TSPAN4: variants seen among roughly 807,000 people sequenced by gnomAD.
The protein encoded by TSPAN4 is tetraspanin 4.
TSPAN4 carries 38 observed loss-of-function variants against 31.5 expected under a neutral mutation model. The observed-to-expected ratio is 1.21, with a 90% CI of 0.93 to 1.58. The LOEUF (loss-of-function observed/expected upper bound fraction) is 1.58, where lower values mean the gene tolerates loss of function less well. TSPAN4 is among the 40% of genes most tolerant of loss of function. The probability of loss-of-function intolerance (pLI) is 0.00; values close to 1 mark genes in which losing one functional copy is unlikely to be tolerated. For missense variants in TSPAN4, 330 were observed against 317.3 expected, an observed-to-expected ratio of 1.04 and a Z score of -0.30; for synonymous variants, 186 against 144.6, an observed-to-expected ratio of 1.29 and a Z score of -2.06.
intron 3 of TSPAN4, among the ~76,000 whole-genome samples, chr11:861,448 C>T (rs1848450112): frequency 6.6e-6 from 1 of 151,920 alleles, no homozygotes; most frequent in Non-Finnish European, 1.5e-5. Context: ...CGTGGTGGCT[C>T]ACGCCTGGAA....
chr11:854,363 G>T (rs114434176), intron 3 of TSPAN4, among the ~76,000 whole-genome samples: 350 of 152,306 alleles, frequency 2.3e-3, no homozygotes, highest in African/African-American at 8.2e-3. Flanking sequence ...GCGGGACGCC[G>T]GGCAGGTTCT....
intron 3 of TSPAN4, among the ~76,000 whole-genome samples, chr11:853,399 G>A (rs1304804012): frequency 6.6e-6 from 1 of 152,186 alleles, no homozygotes; most frequent in East Asian, 1.9e-4. Flanking sequence ...TCAGGCTAGG[G>A]CCCCTGGTCA....
intron 5 of TSPAN4, 196 bp downstream of exon 5, chr11:864,707 C>T (rs538304174): frequency 3.6e-4 from 238 of 667,116 alleles, no homozygotes; most frequent in African/African-American, 3.5e-3. Flanking sequence ...GGCTCTATAG[C>T]GACTGGGGCA....
intron 3 of TSPAN4, among the ~76,000 whole-genome samples, chr11:851,880 C>G (rs1468791976): frequency 6.6e-6 from 1 of 152,108 alleles, no homozygotes; most frequent in Admixed American, 6.5e-5. Flanking sequence ...TCCTCCTGTC[C>G]TCCGTGGCCT....
chr11:850,261 T>A (rs758101405), intron 2 of TSPAN4, 27 bp from the exon 3 acceptor site: 67 of 1,580,242 alleles, frequency 4.2e-5, no homozygotes, highest in Non-Finnish European at 5.4e-5. Flanking sequence ...GTTTTCTACC[T>A]GGACCTCTCC....
chr11:864,284 G>A, intron 4 of TSPAN4, 153 bp from the exon 5 acceptor site: 5 of 836,732 alleles, frequency 6.0e-6, no homozygotes, highest in African/African-American at 1.7e-5. Flanking sequence ...TGAGGTGGGG[G>A]CGGCGTTCTG....
intron 5 of TSPAN4, chr11:864,743 G>C: frequency 1.7e-6 from 1 of 598,844 alleles, no homozygotes; most frequent in Middle Eastern, 4.5e-4. Flanking sequence ...CCCACCCGGA[G>C]GGTGCGCCCC....
At chr11:849,223 G>T (rs1039107987) in intron 2 of TSPAN4, among the ~76,000 whole-genome samples, 2 of 152,112 alleles carry the variant, frequency 1.3e-5, no homozygotes, top group African/African-American at 4.8e-5. Context: ...TGGTGGAGGG[G>T]GGGTGGGTAT....
intron 3 of TSPAN4, among the ~76,000 whole-genome samples, chr11:851,470 T>TCC (rs1354835917): frequency 6.6e-6 from 1 of 152,078 alleles, no homozygotes; most frequent in Admixed American, 6.5e-5. Flanking sequence ...TTCCCACCTC[T>TCC]CCCCTCCTGA....
Position 864,542 on chromosome 11 carries a change from C to T in TSPAN4, c.330+31C>T, listed in dbSNP as rs781472355. 3 of 1,609,338 alleles carry T rather than the reference C, an allele frequency of 1.9e-6. No individual in the cohort carries two copies. The East Asian group carries it at 6.7e-5, about 36-fold the overall frequency. ...GCTGCCTTGGCCGCAGGCCCAACTG[C>T]AGGGCTGGGGGCTCCATCCTCACTC... On this transcript the variant is annotated intron_variant, in intron 5 of 8. Coordinates refer to ENST00000397397, the MANE Select transcript of TSPAN4 (RefSeq NM_003271.5).
intron 2 of TSPAN4, among the ~76,000 whole-genome samples, chr11:847,640 C>T (rs1463383492): frequency 6.6e-6 from 1 of 151,602 alleles, no homozygotes; most frequent in African/African-American, 2.4e-5. Flanking sequence ...CCTCCTGACC[C>T]TCGGTGGCCT....
chr11:864,838 C>T (rs1250521537), intron 5 of TSPAN4: 1 of 427,068 alleles, frequency 2.3e-6, no homozygotes, highest in Non-Finnish European at 4.3e-6. Flanking sequence ...GGGTTCTCCT[C>T]TGTAGAGCGG....
chr11:856,320 G>C (rs568667568), intron 3 of TSPAN4, among the ~76,000 whole-genome samples: 2 of 152,216 alleles, frequency 1.3e-5, no homozygotes, highest in East Asian at 3.9e-4. Flanking sequence ...TATGCTGGAC[G>C]GACATTGGCC....
Position 864,425 on chromosome 11 carries a change from C to T in TSPAN4, c.256-12C>T. 6.2e-7 allele frequency: 1 copy of T among 1,611,632 alleles called. No individual in the cohort carries two copies. On this transcript the variant is annotated splice_polypyrimidine_tract_variant and intron_variant, in intron 4 of 8. Transcript: ENST00000397397. ...CCTTTCGGGTCCCTGTCTGAGCCTG[C>T]CCCCTCCACAGTTCTTCCTGCTGCT...
At chr11:850,088 G>C (rs1847577284) in intron 2 of TSPAN4, 200 bp from the exon 3 acceptor site, 2 of 432,806 alleles carry the variant, frequency 4.6e-6, no homozygotes, top group Admixed American at 4.5e-5. Context: ...CGGAGGGCAA[G>C]GAGCCGGACT....
intron 3 of TSPAN4, among the ~76,000 whole-genome samples, chr11:850,612 CT>C (rs1162743659): frequency 2.0e-5 from 3 of 150,730 alleles, no homozygotes; most frequent in Non-Finnish European, 4.4e-5. Context: ...CCCTGGTCCC[CT>C]CTCCTCTCCT....
intron 3 of TSPAN4, among the ~76,000 whole-genome samples, chr11:860,200 G>A (rs1848376743): frequency 6.6e-6 from 1 of 152,226 alleles, no homozygotes; most frequent in Non-Finnish European, 1.5e-5. Context: ...TGGCCTGAGC[G>A]TGTGTGGGAC....
chr11:859,702 G>A (rs1439670916), intron 3 of TSPAN4: 7 of 153,894 alleles, frequency 4.5e-5, no homozygotes, highest in Non-Finnish European at 1.0e-4. Flanking sequence ...CCCCTGGTGC[G>A]TCTCCGGGCC....
At chr11:854,449 G>T (rs1847935854) in intron 3 of TSPAN4, among the ~76,000 whole-genome samples, 1 of 152,120 alleles carries the variant, frequency 6.6e-6, no homozygotes, top group Non-Finnish European at 1.5e-5. Context: ...TACTGGCCTG[G>T]CTCGGGGGTT....
Sources: allele counts gnomAD v4.1 joint callset (sites outside exome capture counted in the v4.1 genomes callset), GRCh38; gene constraint gnomAD v4.1.1; transcripts MANE v1.5; gene names NCBI Gene and HGNC (gene_info 2026-07-23, HGNC 2026-07-21).